The following CIB1 variants were observed in gnomAD, a reference collection of about 807,000 sequenced individuals.
CIB1 encodes the protein calcium and integrin-binding protein 1.
A neutral mutation model predicts 25.0 loss-of-function variants in CIB1; 19 were observed. The observed-to-expected ratio is 0.76, with a 90% CI of 0.53 to 1.12. CIB1 has a LOEUF of 1.12. CIB1 is among the 50% of genes most tolerant of loss of function. The pLI, the probability that CIB1 is intolerant of heterozygous loss-of-function variation, is 0.00. For missense variants in CIB1, 236 were observed against 242.6 expected, an observed-to-expected ratio of 0.97 and a Z score of 0.18; for synonymous variants, 104 against 98.5, an observed-to-expected ratio of 1.06 and a Z score of -0.33.
chr15:90,232,362 C>G, intron 2 of CIB1, 35 bp from the exon 3 acceptor site: 1 of 1,573,952 alleles, frequency 6.4e-7, no homozygotes, highest in South Asian at 1.1e-5. Flanking sequence ...GTGTTCTCAG[C>G]GATCGGTCTC....
At chr15:90,235,829 A>G (rs1164597711), upstream of CIB1, among the ~76,000 whole-genome samples, 5 of 151,966 alleles carry the variant, frequency 3.3e-5, no homozygotes, top group African/African-American at 1.2e-4. Context: ...CGGCCTCTCA[A>G]AGTGCTGGGA....
At chr15:90,258,147 G>C in the CIB1 span, 1 of 1,614,236 alleles carries the variant, frequency 6.2e-7, no homozygotes, top group Non-Finnish European at 8.5e-7. Context: ...AGCCCATTCT[G>C]TTCTACGCCA....
the CIB1 span, chr15:90,250,609 C>T: frequency 4.4e-6 from 7 of 1,607,224 alleles, no homozygotes; most frequent in Non-Finnish European, 6.0e-6. Context: ...TCCCACCCCG[C>T]AACCCCTCAG....
In CIB1 at chr15:90,231,374, T is replaced by C. The variant is rs1962485628; in HGVS notation, c.329A>G (p.Tyr110Cys). The change falls in exon 4 of 7, where the codon TAT becomes TGT. Residue 110 changes from tyrosine to cysteine, a missense_variant. By Grantham distance (194) the Tyr-to-Cys change is radical. Coordinates refer to ENST00000328649, the MANE Select transcript of CIB1 (RefSeq NM_006384.4). ...DTATPDIKSH[Y>C]AFRIFDFDDD... ...GTTCTCACCAAAGATGCGGAAGGCA[T>C]AATGGGACTTGATGTCTGGCGTGGC... is the stretch of plus-strand genomic sequence containing the variant. 2 of 1,614,122 alleles carry C rather than the reference T, an allele frequency of 1.2e-6. No homozygotes were observed. The highest frequency in any genetic ancestry group is 2.2e-5 in the East Asian group (1 of 44,878).
chr15:90,264,105 C>G, the CIB1 span: 1 of 1,210,286 alleles, frequency 8.3e-7, no homozygotes, highest in Non-Finnish European at 1.2e-6. Context: ...ATGTAAATCC[C>G]ACTAGCAAGC....
At chr15:90,247,106 G>C in the CIB1 span, among the ~76,000 whole-genome samples, 3 of 151,662 alleles carry the variant, frequency 2.0e-5, no homozygotes, top group African/African-American at 7.3e-5. Flanking sequence ...CTCCTGAATA[G>C]CTGAGACTAC....
chr15:90,241,830 G>C, the CIB1 span: 1 of 1,614,224 alleles, frequency 6.2e-7, no homozygotes, highest in Non-Finnish European at 8.5e-7. Flanking sequence ...AGCCCTCACA[G>C]GGGTCCGAGT....
the CIB1 span, among the ~76,000 whole-genome samples, chr15:90,252,959 T>C: frequency 6.6e-6 from 1 of 152,098 alleles, no homozygotes; most frequent in Non-Finnish European, 1.5e-5. Context: ...GCCAAGACCG[T>C]GCCACTGCAC....
the CIB1 span, chr15:90,257,282 G>T: frequency 1.9e-6 from 3 of 1,610,578 alleles, no homozygotes; most frequent in Admixed American, 1.7e-5. Flanking sequence ...TAACAACCTG[G>T]TAAGGGGACT....
At chr15:90,258,498 G>C in the CIB1 span, 381 of 615,932 alleles carry the variant, frequency 6.2e-4, 1 homozygote, top group African/African-American at 6.5e-3. Flanking sequence ...GGGATCCCCA[G>C]TGCCCTAATG....
At chr15:90,234,993 GTAAAGTC>G (rs1171563296), upstream of CIB1, among the ~76,000 whole-genome samples, 1 of 152,150 alleles carries the variant, frequency 6.6e-6, no homozygotes, top group Non-Finnish European at 1.5e-5. Flanking sequence ...GCTGATCTTT[GTAAAGTC>G]TAAATCTGAG....
chr15:90,249,520 C>T, the CIB1 span: 1 of 142,724 alleles, frequency 7.0e-6, no homozygotes, highest in Non-Finnish European at 1.5e-5. Flanking sequence ...GAACTGCCCT[C>T]GTGTCCATGG....
the CIB1 span, chr15:90,243,843 A>G: frequency 1.4e-5 from 2 of 144,730 alleles, no homozygotes; most frequent in Admixed American, 6.9e-5. Context: ...CATCTTGCCA[A>G]GTTGCCCAGG....
chr15:90,243,754 A>C, the CIB1 span: 3 of 146,278 alleles, frequency 2.1e-5, no homozygotes, highest in African/African-American at 7.8e-5. Context: ...GGCTCAAACA[A>C]TACTCCCATC....
At chr15:90,256,356 C>G in the CIB1 span, 8 of 1,605,368 alleles carry the variant, frequency 5.0e-6, no homozygotes, top group Admixed American at 3.4e-5. Context: ...GCTGCCTCAT[C>G]TCTCCCAAAA....
At chr15:90,241,457 G>T in the CIB1 span, 1 of 1,613,628 alleles carries the variant, frequency 6.2e-7, no homozygotes, top group Non-Finnish European at 8.5e-7. Context: ...GCCTGCTGCC[G>T]GGTGCACTGA....
At chr15:90,241,867 T>C in the CIB1 span, 1 of 1,614,156 alleles carries the variant, frequency 6.2e-7, no homozygotes, top group South Asian at 1.1e-5. Context: ...AAGTCCAGCT[T>C]TGGGATAAAG....
rs369465701 is a variant in CIB1 at position 90,232,274 on chromosome 15, G to C, written c.140C>G (p.Ser47Trp). Residue 47 changes from serine to tryptophan, a missense_variant, in exon 3 of 7, where the codon TCG becomes TGG. By Grantham distance (177) the Ser-to-Trp change is radical. Coordinates refer to ENST00000328649, the MANE Select transcript of CIB1 (RefSeq NM_006384.4). ...LLPQEQRSVESSLRAQVPFEQ... is the reference protein window; with the variant it reads ...LLPQEQRSVEWSLRAQVPFEQ... ...GAAGGGCACTTGTGCCCGAAGTGAC[G>C]ACTCCACGCTCCGCTGCTCCTGGGG... is the stretch of plus-strand genomic sequence containing the variant. The C allele has an allele frequency of 2.4e-5, 38 of 1,612,662 alleles. No homozygotes were observed. Among genetic ancestry groups the C allele is most frequent in the Non-Finnish European group, 3.1e-5 (36 of 1,179,034 alleles).
At chr15:90,256,308 C>A in the CIB1 span, 1 of 1,614,050 alleles carries the variant, frequency 6.2e-7, no homozygotes, top group South Asian at 1.1e-5. Context: ...GTGAAGGATG[C>A]CTCAGGACCA....
Sources: allele counts gnomAD v4.1 joint callset (sites outside exome capture counted in the v4.1 genomes callset), GRCh38; gene constraint gnomAD v4.1.1; transcripts MANE v1.5; gene names NCBI Gene and HGNC (gene_info 2026-07-23, HGNC 2026-07-21).